The following MAST2 variants were observed in gnomAD, a reference collection of about 807,000 sequenced individuals.
MAST2 encodes the protein microtubule-associated serine/threonine-protein kinase 2.
A neutral mutation model predicts 147.4 loss-of-function variants in MAST2; 70 were observed. The ratio of observed to expected loss-of-function variants is 0.47; its 90% CI spans 0.39 to 0.58. The LOEUF is 0.58. Ranked by LOEUF, MAST2 falls within the 20% of genes least tolerant of loss-of-function variation. The probability of loss-of-function intolerance (pLI) is 0.00; values close to 1 mark genes in which losing one functional copy is unlikely to be tolerated. For synonymous variants in MAST2, 869 were observed against 896.8 expected (o/e 0.97, Z 0.55); for missense variants, 2,080 against 2,302.3 (o/e 0.90, Z 1.98).
Position 46,029,720 on chromosome 1 carries a change from G to T in MAST2, c.2321-111G>T, listed in dbSNP as rs74472572. The T allele has an allele frequency of 2.1e-3, 2,947 of 1,433,718 alleles. 54 individuals are homozygous for T. In the African/African-American group the frequency reaches 0.038, roughly 18 times the overall value. 88.8% of individuals were successfully genotyped at this position (1,433,718 alleles called of 1,614,324 possible). A position where few individuals can be genotyped will look rare whatever the true frequency, so the allele number is the denominator to read the frequency against. ...TGTAGGCAGAAAAGGGAAGATGCTT[G>T]AGCTGATCCCCTAGGTATAGCTTCT... is the stretch of plus-strand genomic sequence containing the variant. On this transcript the variant is annotated intron_variant, in intron 19 of 28. Coordinates refer to ENST00000361297, the MANE Select transcript of MAST2 (RefSeq NM_015112.3).
intron 4 of MAST2, among the ~76,000 whole-genome samples, chr1:45,921,621 T>G (rs1653501913): frequency 6.6e-6 from 1 of 152,134 alleles, no homozygotes; most frequent in South Asian, 2.1e-4. Context: ...TGAGGCTGCA[T>G]CGGGACCAGG....
At chr1:45,838,767 T>C (rs55752916) in intron 3 of MAST2, among the ~76,000 whole-genome samples, 1,619 of 152,252 alleles carry the variant, frequency 0.011, 10 homozygotes, top group Non-Finnish European at 0.019. Flanking sequence ...TATCCCTCTA[T>C]ACTAACAATG....
At chr1:45,922,024 C>T (rs191404015) in intron 4 of MAST2, among the ~76,000 whole-genome samples, 163 of 152,286 alleles carry the variant, frequency 1.1e-3, no homozygotes, top group African/African-American at 3.8e-3. Flanking sequence ...TATCTGTAGG[C>T]AGGTCCTCCC....
intron 4 of MAST2, among the ~76,000 whole-genome samples, chr1:45,935,092 T>C (rs977432337): frequency 2.0e-5 from 3 of 152,244 alleles, no homozygotes; most frequent in African/African-American, 7.2e-5. Flanking sequence ...TTAATAACCA[T>C]TCTGGTTAGT....
At chr1:45,885,220 C>A (rs996534822) in intron 4 of MAST2, among the ~76,000 whole-genome samples, 3 of 151,952 alleles carry the variant, frequency 2.0e-5, no homozygotes, top group Non-Finnish European at 2.9e-5. Flanking sequence ...TATTTGTGTC[C>A]CTGTTTGCCT....
chr1:45,879,009 A>G (rs1021695514), intron 3 of MAST2, among the ~76,000 whole-genome samples: 2 of 152,032 alleles, frequency 1.3e-5, no homozygotes, highest in African/African-American at 2.4e-5. Flanking sequence ...ATCTAAAGCA[A>G]TCTTGGAAAA....
At chr1:45,970,154 C>T (rs970934997) in intron 5 of MAST2, among the ~76,000 whole-genome samples, 5 of 152,226 alleles carry the variant, frequency 3.3e-5, no homozygotes, top group Non-Finnish European at 7.3e-5. Context: ...TTTCCCTCCT[C>T]CTGCTGGAAT....
In MAST2 at chr1:46,021,907, G is replaced by A. The variant is rs376953428; in HGVS notation, c.1291-43G>A. ...AAAACCAAAGATGCCAGCAGCTTTC[G>A]CTTATATCTGTCACCACTGACTATC... is the stretch of plus-strand genomic sequence containing the variant. On this transcript the variant is annotated intron_variant, in intron 11 of 28. Coordinates refer to ENST00000361297, the MANE Select transcript of MAST2 (RefSeq NM_015112.3). 24 of 1,607,924 alleles carry A rather than the reference G, an allele frequency of 1.5e-5. No individual in the cohort carries two copies. The East Asian group carries it at 4.2e-4, about 28-fold the overall frequency.
chr1:45,860,017 G>A (rs1645922094), intron 3 of MAST2, among the ~76,000 whole-genome samples: 1 of 152,068 alleles, frequency 6.6e-6, no homozygotes, highest in South Asian at 2.1e-4. Flanking sequence ...AATTTCTCCA[G>A]TTGTAAAATA....
intron 2 of MAST2, 138 bp from the exon 3 acceptor site, chr1:45,829,301 A>G: frequency 2.8e-6 from 2 of 718,388 alleles, no homozygotes; most frequent in Middle Eastern, 4.3e-4. Context: ...GGAAATTTTA[A>G]TAGATTCTAA....
intron 3 of MAST2, among the ~76,000 whole-genome samples, chr1:45,868,339 A>G (rs1646244682): frequency 1.3e-5 from 2 of 152,198 alleles, no homozygotes; most frequent in Admixed American, 1.3e-4. Context: ...AGCCACCATA[A>G]GCAAATTTTT....
At chr1:46,025,059 C>T (rs1201130568) in intron 15 of MAST2, among the ~76,000 whole-genome samples, 2 of 152,174 alleles carry the variant, frequency 1.3e-5, no homozygotes, top group Non-Finnish European at 2.9e-5. Context: ...TGGCTCATGC[C>T]TGTAATCCCA....
chr1:45,859,467 G>A (rs185463367), intron 3 of MAST2, among the ~76,000 whole-genome samples: 1 of 152,264 alleles, frequency 6.6e-6, no homozygotes, highest in East Asian at 1.9e-4. Flanking sequence ...AACCTCTCCA[G>A]TAGGTGGGAA....
At chr1:46,021,021 G>C (rs1462623357) in intron 11 of MAST2, among the ~76,000 whole-genome samples, 1 of 152,166 alleles carries the variant, frequency 6.6e-6, no homozygotes, top group Non-Finnish European at 1.5e-5. Context: ...CATGTGAGAT[G>C]GGGTGGCCAG....
chr1:45,981,846 CTTTT>C (rs34353072), intron 5 of MAST2, among the ~76,000 whole-genome samples: 5 of 141,178 alleles, frequency 3.5e-5, no homozygotes, highest in South Asian at 2.2e-4. Context: ...GTAATTTTGG[CTTTT>C]TTTTTTTTTT....
At chr1:46,027,460 C>T (rs1451832619) in intron 16 of MAST2, among the ~76,000 whole-genome samples, 2 of 152,228 alleles carry the variant, frequency 1.3e-5, no homozygotes, top group East Asian at 3.9e-4. Flanking sequence ...ATGACTCCTG[C>T]CCCCAACATA....
chr1:45,812,976 T>G (rs1644347825), intron 1 of MAST2, among the ~76,000 whole-genome samples: 1 of 152,130 alleles, frequency 6.6e-6, no homozygotes, highest in Admixed American at 6.6e-5. Context: ...CAGTTGTCCC[T>G]CAATATCTCT....
intron 4 of MAST2, among the ~76,000 whole-genome samples, chr1:45,952,661 C>G (rs1659095670): frequency 6.6e-6 from 1 of 152,072 alleles, no homozygotes; most frequent in Admixed American, 6.6e-5. Context: ...AGCCATAAGA[C>G]TACAGAATAA....
At chr1:45,926,942 A>G (rs1178428153) in intron 4 of MAST2, among the ~76,000 whole-genome samples, 1 of 152,160 alleles carries the variant, frequency 6.6e-6, no homozygotes, top group Non-Finnish European at 1.5e-5. Context: ...CCCGATAATC[A>G]TGTAGGTTCT....
Sources: allele counts gnomAD v4.1 joint callset (sites outside exome capture counted in the v4.1 genomes callset), GRCh38; gene constraint gnomAD v4.1.1; transcripts MANE v1.5; gene names NCBI Gene and HGNC (gene_info 2026-07-23, HGNC 2026-07-21).